Variants in DMD observed in about 807,000 individuals in gnomAD.
The protein encoded by DMD is dystrophin.
DMD carries 63 observed loss-of-function variants against 330.1 expected under a neutral mutation model. That is an observed-to-expected ratio of 0.19 (90% CI 0.16 to 0.24). The LOEUF (loss-of-function observed/expected upper bound fraction) is 0.24. Among genes scored for constraint, DMD ranks in the 10% least tolerant of loss-of-function variants. The probability of loss-of-function intolerance (pLI) is 1.00; values close to 1 mark genes in which losing one functional copy is unlikely to be tolerated. For missense variants in DMD, 3,344 were observed against 2,684.1 expected (o/e 1.25, Z -5.43); for synonymous variants, 1,223 against 959.8 (o/e 1.27, Z -5.07).
At chrX:32,206,195 G>C (rs1015146419) in intron 44 of DMD, 1 of 508,979 alleles carries the variant, frequency 2.0e-6, no homozygotes, top group African/African-American at 2.3e-5. Context: ...TACGGTTGAA[G>C]TGTGGTTCAG....
intron 55 of DMD, among the ~76,000 whole-genome samples, chrX:31,596,832 C>T (rs2077133276): frequency 1.8e-5 from 2 of 112,103 alleles, no homozygotes; most frequent in Non-Finnish European, 3.8e-5. Context: ...AGCCCTACTA[C>T]TCAAAGTGTG....
At chrX:31,535,617 CA>C (rs1384780735) in intron 55 of DMD, among the ~76,000 whole-genome samples, 1 of 110,131 alleles carries the variant, frequency 9.1e-6, no homozygotes, top group Admixed American at 9.8e-5. Flanking sequence ...GCAATGGCAA[CA>C]AAAGCCAAAA....
chrX:33,168,473 C>T (rs1202061833), intron 1 of DMD, among the ~76,000 whole-genome samples: 2 of 102,953 alleles, frequency 1.9e-5, no homozygotes, highest in African/African-American at 7.0e-5. Context: ...TGATATATAG[C>T]TTTTTTTTTT....
At chrX:31,632,151 T>G (rs1422029557) in intron 54 of DMD, among the ~76,000 whole-genome samples, 2 of 111,550 alleles carry the variant, frequency 1.8e-5, no homozygotes, top group Admixed American at 1.9e-4. Context: ...CCATGGTATT[T>G]CTGAATAAAT....
intron 55 of DMD, among the ~76,000 whole-genome samples, chrX:31,539,134 G>T (rs1276580784): frequency 8.9e-6 from 1 of 111,900 alleles, no homozygotes; most frequent in Non-Finnish European, 1.9e-5. Context: ...ATTAGTGAGT[G>T]GTAGCTACCT....
chrX:31,899,444 C>T (rs998648683), intron 47 of DMD, among the ~76,000 whole-genome samples: 41 of 108,413 alleles, frequency 3.8e-4, no homozygotes, highest in African/African-American at 1.3e-3. Context: ...AAATCTCATT[C>T]GTAAGACTGA....
chrX:31,803,523 C>T (rs1161542666), intron 50 of DMD, among the ~76,000 whole-genome samples: 2 of 111,451 alleles, frequency 1.8e-5, no homozygotes, highest in African/African-American at 6.5e-5. Flanking sequence ...AATACCTTGA[C>T]CCCACCCTTG....
chrX:31,409,357 G>T lies in DMD; in HGVS notation c.9084+35124C>A, dbSNP rs142187509. ...GCTTAAGTGAATTGACTTATTTCTT[G>T]TAAGTCATGCCCAGCAGCATTAATA... is the stretch of plus-strand genomic sequence containing the variant. On this transcript the variant is annotated intron_variant, in intron 60 of 78. Transcript: ENST00000357033. Among the ~76,000 whole-genome samples the T allele has an allele frequency of 3.5e-3, 389 of 112,026 alleles. 2 individuals are homozygous for T. Among genetic ancestry groups the T allele is most frequent in the African/African-American group, 0.012 (375 of 30,792 alleles).
chrX:32,796,071 C>A (rs2855684), intron 7 of DMD, among the ~76,000 whole-genome samples: 45,557 of 110,286 alleles, frequency 0.41, 7,131 homozygotes, highest in Non-Finnish European at 0.48. Flanking sequence ...AAAAACTAAA[C>A]ATAGAAATAG....
chrX:31,725,727 G>A (rs888346650), intron 52 of DMD, among the ~76,000 whole-genome samples: 10 of 111,811 alleles, frequency 8.9e-5, no homozygotes, highest in African/African-American at 3.2e-4. Context: ...GTATAGCCCC[G>A]AAATGGTAGT....
chrX:33,010,156 G>T (rs1208073622), intron 2 of DMD, among the ~76,000 whole-genome samples: 1 of 99,516 alleles, frequency 1.0e-5, no homozygotes, highest in Admixed American at 1.1e-4. Context: ...ATATATACAT[G>T]TGTGTATATG....
In DMD at chrX:32,289,955, T is replaced by A. The variant is rs777854024; in HGVS notation, c.6118-2254A>T. On this transcript the variant is annotated intron_variant, in intron 42 of 78. Transcript: ENST00000357033. ...TCCTTTACTTTCTTAATAAACTTGC[T>A]TTTACTTTTTTTAAAAAAGCATAAT... Among the ~76,000 whole-genome samples the A allele has an allele frequency of 1.6e-3, 178 of 111,814 alleles. 1 individual carries two copies. Among genetic ancestry groups the A allele is most frequent in the African/African-American group, 5.4e-3 (166 of 30,775 alleles).
intron 60 of DMD, among the ~76,000 whole-genome samples, chrX:31,434,992 G>C (rs2064406255): frequency 8.9e-6 from 1 of 111,900 alleles, no homozygotes; most frequent in African/African-American, 3.3e-5. Flanking sequence ...CTTTTTATCA[G>C]AGGAGTGGTA....
chrX:32,085,720 A>G (rs1483050925), intron 44 of DMD, among the ~76,000 whole-genome samples: 1 of 105,416 alleles, frequency 9.5e-6, no homozygotes, highest in African/African-American at 3.6e-5. Flanking sequence ...ATATATATAC[A>G]CATACACTGA....
intron 2 of DMD, among the ~76,000 whole-genome samples, chrX:32,918,785 C>G (rs1195319190): frequency 2.7e-5 from 3 of 112,338 alleles, no homozygotes; most frequent in Non-Finnish European, 5.6e-5. Context: ...AATGTCCTGG[C>G]CCTTGAAGTA....
chrX:32,405,586 T>C (rs1022068442), intron 30 of DMD, among the ~76,000 whole-genome samples: 1 of 111,439 alleles, frequency 9.0e-6, no homozygotes, highest in African/African-American at 3.3e-5. Flanking sequence ...ACTGGGTAGA[T>C]TGATGCTGTG....
At chrX:32,863,509 C>CAAAAAAAAAAAAAAAAAAA (rs544421635) in intron 2 of DMD, among the ~76,000 whole-genome samples, 1 of 49,083 alleles carries the variant, frequency 2.0e-5, no homozygotes, top group Non-Finnish European at 3.3e-5. Flanking sequence ...GACTCCGTCT[C>CAAAAAAAAAAAAAAAAAAA]AAAAAAAAAA....
chrX:33,124,784 G>A (rs187030823), intron 1 of DMD, among the ~76,000 whole-genome samples: 292 of 109,893 alleles, frequency 2.7e-3, no homozygotes, highest in African/African-American at 9.2e-3. Flanking sequence ...CAGCACTTTG[G>A]GAGGCAGAGG....
chrX:32,289,687 A>C (rs2097458423), intron 42 of DMD, among the ~76,000 whole-genome samples: 1 of 111,700 alleles, frequency 9.0e-6, no homozygotes, highest in Admixed American at 9.5e-5. Flanking sequence ...ATAATGCATT[A>C]GCAGGCTAAA....
Sources: gnomAD v4.1 joint callset for allele counts (sites outside exome capture counted in the v4.1 genomes callset) on GRCh38, gnomAD v4.1.1 for gene constraint, MANE v1.5 for transcripts, NCBI Gene and HGNC (gene_info 2026-07-23, HGNC 2026-07-21) for gene names.